The following TASP1 variants were observed in gnomAD, a reference collection of about 807,000 sequenced individuals.
The protein encoded by TASP1 is taspase 1.
TASP1 carries 16 observed loss-of-function variants against 56.6 expected under a neutral mutation model. That is an observed-to-expected ratio of 0.28 (90% CI 0.19 to 0.43). TASP1 has a LOEUF of 0.43. TASP1 is among the 20% of genes least tolerant of loss of function. The probability of loss-of-function intolerance (pLI) is 1.00; values close to 1 mark genes in which losing one functional copy is unlikely to be tolerated. For synonymous variants in TASP1, 179 were observed against 184.2 expected (o/e 0.97, Z 0.23); for missense variants, 393 against 511.6 (o/e 0.77, Z 2.24).
At chr20:13,189,059 G>C in the TASP1 span, among the ~76,000 whole-genome samples, 1 of 152,066 alleles carries the variant, frequency 6.6e-6, no homozygotes, top group Non-Finnish European at 1.5e-5. Flanking sequence ...CTATAAATTT[G>C]TTCTGACCAC....
chr20:13,548,940 C>A (rs187378133), intron 8 of TASP1, among the ~76,000 whole-genome samples: 6 of 152,252 alleles, frequency 3.9e-5, no homozygotes, highest in Admixed American at 3.9e-4. Context: ...ATCTAATGAT[C>A]AGCCAGGTTT....
chr20:13,581,075 A>G, intron 5 of TASP1, 94 bp from the exon 6 acceptor site: 2 of 1,122,308 alleles, frequency 1.8e-6, no homozygotes, highest in Non-Finnish European at 2.6e-6. Flanking sequence ...AAACAACTTG[A>G]ATATATCTTG....
At chr20:13,560,974 T>C (rs182576417) in intron 7 of TASP1, among the ~76,000 whole-genome samples, 27 of 152,290 alleles carry the variant, frequency 1.8e-4, no homozygotes, top group Middle Eastern at 3.4e-3. Context: ...AAGCAGATTA[T>C]CACCTACTAG....
chr20:13,603,538 T>C (rs569440680), intron 4 of TASP1, among the ~76,000 whole-genome samples: 2 of 148,130 alleles, frequency 1.4e-5, no homozygotes, highest in Admixed American at 1.3e-4. Context: ...CAAGATCCTG[T>C]CTCAAAAAAA....
chr20:13,481,098 C>CAAG (rs1169815678), intron 11 of TASP1, among the ~76,000 whole-genome samples: 1 of 152,052 alleles, frequency 6.6e-6, no homozygotes, highest in African/African-American at 2.4e-5. Context: ...CACCTCCCGC[C>CAAG]AAGTCCTCCA....
chr20:13,409,489 T>G (rs1401243721), intron 13 of TASP1, among the ~76,000 whole-genome samples: 1 of 152,158 alleles, frequency 6.6e-6, no homozygotes, highest in African/African-American at 2.4e-5. Flanking sequence ...ATGTCCTGTT[T>G]TATCTCATAT....
chr20:13,549,440 A>ATG (rs1355375506), intron 8 of TASP1, among the ~76,000 whole-genome samples: 126 of 150,864 alleles, frequency 8.4e-4, no homozygotes, highest in African/African-American at 2.5e-3. Context: ...GTGTGTGTGT[A>ATG]TGTGTGTGTG....
chr20:13,268,558 A>G, the TASP1 span, among the ~76,000 whole-genome samples: 2 of 152,204 alleles, frequency 1.3e-5, no homozygotes, highest in Non-Finnish European at 2.9e-5. Flanking sequence ...GCCCCCGGCC[A>G]CATCTTCTGA....
At chr20:13,163,326 C>T in the TASP1 span, among the ~76,000 whole-genome samples, 2 of 147,808 alleles carry the variant, frequency 1.4e-5, no homozygotes, top group African/African-American at 2.5e-5. Flanking sequence ...CGAGATCATG[C>T]CACTGCACTC....
chr20:13,309,530 C>G, the TASP1 span, among the ~76,000 whole-genome samples: 1 of 152,228 alleles, frequency 6.6e-6, no homozygotes, highest in East Asian at 1.9e-4. Flanking sequence ...CCTCCAAGAT[C>G]AGGAACAAGA....
the TASP1 span, among the ~76,000 whole-genome samples, chr20:13,186,172 T>C: frequency 6.6e-6 from 1 of 152,114 alleles, no homozygotes; most frequent in African/African-American, 2.4e-5. Flanking sequence ...AAGGCTTACC[T>C]CCAGGAATGC....
chr20:13,363,390 T>C, the TASP1 span, among the ~76,000 whole-genome samples: 1 of 152,188 alleles, frequency 6.6e-6, no homozygotes, highest in Non-Finnish European at 1.5e-5. Flanking sequence ...TGGTGCACCC[T>C]AACTCCACAG....
chr20:13,446,198 A>C (rs1293760113), intron 11 of TASP1, among the ~76,000 whole-genome samples: 1 of 152,158 alleles, frequency 6.6e-6, no homozygotes, highest in Admixed American at 6.6e-5. Context: ...GTAAGAGAAC[A>C]AACAACATAG....
chr20:13,106,105 G>T, the TASP1 span, among the ~76,000 whole-genome samples: 10 of 152,068 alleles, frequency 6.6e-5, no homozygotes, highest in Non-Finnish European at 1.3e-4. Flanking sequence ...CTATCTGCTC[G>T]TTTTAAAACA....
the TASP1 span, among the ~76,000 whole-genome samples, chr20:13,286,850 G>C: frequency 6.6e-6 from 1 of 152,212 alleles, no homozygotes; most frequent in South Asian, 2.1e-4. Context: ...GCCACGACCT[G>C]TTATGAACAG....
At chr20:13,180,009 C>T in the TASP1 span, among the ~76,000 whole-genome samples, 1 of 152,162 alleles carries the variant, frequency 6.6e-6, no homozygotes, top group East Asian at 1.9e-4. Flanking sequence ...ACAGCCTGCC[C>T]TTCTCTGAAG....
chr20:13,407,923 T>C (rs2041978344), intron 13 of TASP1, among the ~76,000 whole-genome samples: 1 of 152,228 alleles, frequency 6.6e-6, no homozygotes, highest in Non-Finnish European at 1.5e-5. Flanking sequence ...TTATGCCTTC[T>C]TATTGTTCAG....
At chr20:13,214,586 G>C in the TASP1 span, among the ~76,000 whole-genome samples, 45 of 150,592 alleles carry the variant, frequency 3.0e-4, no homozygotes, top group Non-Finnish European at 4.9e-4. Flanking sequence ...GAGAGAGAGA[G>C]AGACAGAAAG....
the TASP1 span, among the ~76,000 whole-genome samples, chr20:13,286,441 G>A: frequency 6.6e-6 from 1 of 152,176 alleles, no homozygotes; most frequent in Non-Finnish European, 1.5e-5. Flanking sequence ...GCTAATGCCA[G>A]GGAAGGCAGC....
Sources: gnomAD v4.1 joint callset for allele counts (sites outside exome capture counted in the v4.1 genomes callset) on GRCh38, gnomAD v4.1.1 for gene constraint, MANE v1.5 for transcripts, NCBI Gene and HGNC (gene_info 2026-07-23, HGNC 2026-07-21) for gene names.